CYP1A1: variants seen among roughly 807,000 people sequenced by gnomAD.
CYP1A1 encodes the protein cytochrome P450 family 1 subfamily A member 1.
Under a neutral mutation model 33.6 loss-of-function variants are expected in CYP1A1, and 43 were observed. That is an observed-to-expected ratio of 1.28 (90% CI 1.00 to 1.65). CYP1A1 has a LOEUF of 1.65. Ranked by LOEUF, CYP1A1 falls within the 40% of genes most tolerant of loss-of-function variation. The pLI, the probability that CYP1A1 is intolerant of heterozygous loss-of-function variation, is 0.00. For missense variants in CYP1A1, 637 were observed against 653.7 expected, an observed-to-expected ratio of 0.97 and a Z score of 0.28; for synonymous variants, 280 against 257.8, an observed-to-expected ratio of 1.09 and a Z score of -0.83.
Position 74,722,832 on chromosome 15 carries a change from A to C in CYP1A1, c.266T>G (p.Leu89Arg). 6.2e-7 allele frequency: 1 copy of C among 1,614,024 alleles called. No homozygotes were observed. Among genetic ancestry groups the C allele is most frequent in the Non-Finnish European group, 8.5e-7 (1 of 1,180,028 alleles). ...CACCAGGGCCTGCCGGATGGTGTCC[A>C]GGCCGCTCAGCACCACCACGGGTGT... Reference protein sequence around the residue: ...GSTPVVVLSGLDTIRQALVRQ... With the variant: ...GSTPVVVLSGRDTIRQALVRQ... Residue 89 changes from leucine to arginine, a missense_variant, in exon 2 of 7, where the codon CTG becomes CGG. Leu to Arg is a moderately radical substitution (Grantham distance 102). Coordinates refer to ENST00000379727, the MANE Select transcript of CYP1A1 (RefSeq NM_001319217.2).
intron 2 of CYP1A1, 129 bp from the exon 3 acceptor site, chr15:74,721,846 G>T: frequency 8.3e-7 from 1 of 1,204,130 alleles, no homozygotes; most frequent in Non-Finnish European, 1.2e-6. Flanking sequence ...TGTTGTCCCA[G>T]CTTCTCTCTG....
Position 74,722,933 on chromosome 15 carries a change from C to T in CYP1A1, c.165G>A (p.Leu55=), listed in dbSNP as rs2063185896. The change falls in exon 2 of 7, where the codon CTG becomes CTA. Residue 55 remains leucine, a synonymous_variant. Transcript: ENST00000379727. ...GWPLIGHMLT[L]GKNPHLALSR... ...ACAGTGCCAGGTGCGGGTTCTTTCC[C>T]AGGGTCAGCATGTGCCCAATCAGAG... is the stretch of plus-strand genomic sequence containing the variant. 1.2e-6 allele frequency: 2 copies of T among 1,614,078 alleles called. No homozygotes were observed. The highest frequency in any genetic ancestry group is 1.3e-5 in the African/African-American group (1 of 74,916).
At chr15:74,723,748 G>A (rs1288001198) in intron 1 of CYP1A1, among the ~76,000 whole-genome samples, 1 of 152,168 alleles carries the variant, frequency 6.6e-6, no homozygotes, top group Non-Finnish European at 1.5e-5. Flanking sequence ...ACATTTGGGG[G>A]AAGCAGCGCT....
chr15:74,722,605 T>C lies in CYP1A1; in HGVS notation c.493A>G (p.Lys165Glu). ...TSCYLEEHVS[K>E]EAEVLISTLQ... ...GTGCTTATCAGGACCTCAGCCTCCT[T>C]GCTCACATGCTCTTCCAGGTAGCAG... is the stretch of plus-strand genomic sequence containing the variant. Residue 165 changes from lysine (K) to glutamate (E), a missense_variant, in exon 2 of 7, where the codon AAG becomes GAG. Transcript: ENST00000379727. The C allele has an allele frequency of 1.2e-6, 2 of 1,614,102 alleles. No individual in the cohort carries two copies. The highest frequency in any genetic ancestry group is 3.3e-5 in the Admixed American group (2 of 60,030).
At position 74,721,379 on chromosome 15, in the gene CYP1A1, T is replaced by C. The variant is rs754503947; in HGVS notation, c.1042+35A>G. Reference sequence around the variant, plus strand: ...GGCTGCCTAGACCTGGCCAGACCCCTGGCACTGACCCCTTTGAAGGGAGCC... The same window carrying C: ...GGCTGCCTAGACCTGGCCAGACCCCCGGCACTGACCCCTTTGAAGGGAGCC... On this transcript the variant is annotated intron_variant, in intron 4 of 6. Transcript: ENST00000379727. The C allele has an allele frequency of 9.3e-6, 15 of 1,613,990 alleles. No homozygotes were observed. In the African/African-American group the frequency reaches 1.3e-4, roughly 14 times the overall value.
chr15:74,720,757 G>A lies in CYP1A1; in HGVS notation c.1271C>T (p.Pro424Leu), dbSNP rs769227467. Reference protein sequence around the residue: ...INHDQKLWVNPSEFLPERFLT... With the variant: ...INHDQKLWVNLSEFLPERFLT... ...AAACCGTTCAGGTAGGAACTCAGATGGGTTGACCCATAGCTTCCTGTAACC... is the reference window on the plus strand; with the variant it reads ...AAACCGTTCAGGTAGGAACTCAGATAGGTTGACCCATAGCTTCCTGTAACC... Residue 424 changes from proline to leucine, a missense_variant, in exon 7 of 7, where the codon CCA becomes CTA. Transcript: ENST00000379727. 8 of 1,612,046 alleles carry A rather than the reference G, an allele frequency of 5.0e-6. No homozygotes were observed. The highest frequency in any genetic ancestry group is 1.6e-4 in the Middle Eastern group (1 of 6,080).
chr15:74,723,899 AC>A (rs1277238686), intron 1 of CYP1A1, among the ~76,000 whole-genome samples: 4 of 152,076 alleles, frequency 2.6e-5, no homozygotes, highest in African/African-American at 9.7e-5. Context: ...TTTTCCCAGA[AC>A]CCTCAGTTCT....
rs765104543 is a variant in CYP1A1 at position 74,720,696 on chromosome 15, A to G, written c.1332T>C (p.Ser444=). The G allele has an allele frequency of 2.5e-6, 4 of 1,613,988 alleles. No individual in the cohort carries two copies. In the Admixed American group the frequency reaches 6.7e-5, roughly 27 times the overall value. ...TPDGAIDKVL[S]EKVIIFGMGK... ...CCATGCCAAAGATAATCACCTTCTCACTTAACACCTTGTCGATAGCACCAT... is the reference window on the plus strand; with the variant it reads ...CCATGCCAAAGATAATCACCTTCTCGCTTAACACCTTGTCGATAGCACCAT... The change falls in exon 7 of 7, where the codon AGT becomes AGC. Residue 444 remains serine (S), a synonymous_variant. Coordinates refer to ENST00000379727, the MANE Select transcript of CYP1A1 (RefSeq NM_001319217.2).
rs752537968 is a variant in CYP1A1 at position 74,720,643 on chromosome 15, A to G, written c.1385T>C (p.Ile462Thr). 12 of 1,614,066 alleles carry G rather than the reference A, an allele frequency of 7.4e-6. No individual in the cohort carries two copies. The highest frequency in any genetic ancestry group is 3.3e-5 in the Admixed American group (2 of 60,006). Residue 462 changes from isoleucine to threonine, a missense_variant, in exon 7 of 7, where the codon ATT (isoleucine) becomes ACT (threonine). Ile to Thr is a moderately conservative substitution (Grantham distance 89). Transcript: ENST00000379727. ...MGKRKCIGET[I>T]ARWEVFLFLA... ...GAAGAGAAAGACCTCCCAGCGGGCA[A>G]TGGTCTCACCGATACACTTCCGCTT...
rs1224548610 is a variant in CYP1A1, at chr15:74,719,808, G to A, written c.*681C>T. On this transcript the variant is annotated 3_prime_UTR_variant, in exon 7 of 7. Transcript: ENST00000379727. ...CACTCCAGCCCTAGTCCTGGTGCCT[G>A]GATATGTGCACTCCCTGTGCGCTCT... 5.9e-5 allele frequency: 9 copies of A among 152,280 alleles called. No individual in the cohort carries two copies. The highest frequency in any genetic ancestry group is 2.2e-4 in the African/African-American group (9 of 41,554). The allele number at this position is 152,280 out of a possible 1,614,324, so 9.4% of individuals were successfully genotyped here.
At position 74,720,796 on chromosome 15, in the gene CYP1A1, T is replaced by A. The variant is rs762782631; in HGVS notation, c.1254-22A>T. 1.1e-5 allele frequency: 17 copies of A among 1,596,526 alleles called. No individual in the cohort carries two copies. The South Asian group carries it at 1.1e-4, about 11-fold the overall frequency. ...CTTCCTGTAACCAGAGGGAGACAGC[T>A]GAAGTGGCAGTTCAGGGCTCAGAAG... On this transcript the variant is annotated intron_variant, in intron 6 of 6. Coordinates refer to ENST00000379727, the MANE Select transcript of CYP1A1 (RefSeq NM_001319217.2).
In CYP1A1 at chr15:74,720,493, G is replaced by A; in HGVS notation, c.1535C>T (p.Ser512Phe). 1 of 1,562,882 alleles carries A rather than the reference G, an allele frequency of 6.4e-7. No individual in the cohort carries two copies. The highest frequency in any genetic ancestry group is 1.2e-5 in the South Asian group (1 of 81,422). ...CCEHFQMQLR[S>F] ...GGCCTCAGGGCTCTCAAGCACCTAA[G>A]AGCGCAGCTGCATTTGGAAGTGCTC... is the stretch of plus-strand genomic sequence containing the variant. The change falls in exon 7 of 7, where the codon TCT (serine) becomes TTT (phenylalanine). Residue 512 changes from serine (S) to phenylalanine (F), a missense_variant. Ser to Phe is a radical substitution (Grantham distance 155). Coordinates refer to ENST00000379727, the MANE Select transcript of CYP1A1 (RefSeq NM_001319217.2).
chr15:74,721,718 C>T lies in CYP1A1; in HGVS notation c.826-1G>A, dbSNP rs996003312. ...TGTCTGTGATGTCCCGGATGTGGCC[C>T]TTAGGTAGGGAAAGTCCACAGGTGA... On this transcript the variant is annotated splice_acceptor_variant, in intron 2 of 6. Coordinates refer to ENST00000379727, the MANE Select transcript of CYP1A1 (RefSeq NM_001319217.2). LOFTEE classifies it high-confidence loss of function. 6.2e-7 allele frequency: 1 copy of T among 1,613,780 alleles called. No individual in the cohort carries two copies. Among genetic ancestry groups the T allele is most frequent in the Admixed American group, 1.7e-5 (1 of 59,998 alleles).
chr15:74,722,782 G>T lies in CYP1A1; in HGVS notation c.316C>A (p.Arg106=). The change falls in exon 2 of 7, where the codon CGG becomes AGG. Residue 106 remains arginine (R), a synonymous_variant. Transcript: ENST00000379727. ...LVRQGDDFKG[R]PDLYTFTLIS... Reference sequence around the variant, plus strand: ...AGGGTGAAGGTGTAGAGGTCGGGCCGGCCCTTGAAATCATCGCCCTGCCGC... The same window carrying T: ...AGGGTGAAGGTGTAGAGGTCGGGCCTGCCCTTGAAATCATCGCCCTGCCGC... 6.4e-7 allele frequency: 1 copy of T among 1,574,158 alleles called. No homozygotes were observed. Among genetic ancestry groups the T allele is most frequent in the South Asian group, 1.1e-5 (1 of 87,662 alleles).
chr15:74,722,812 G>T lies in CYP1A1; in HGVS notation c.286C>A (p.Leu96Met). 1 of 1,613,984 alleles carries T rather than the reference G, an allele frequency of 6.2e-7. No homozygotes were observed. The highest frequency in any genetic ancestry group is 8.5e-7 in the Non-Finnish European group (1 of 1,180,022). The change falls in exon 2 of 7, where the codon CTG (leucine) becomes ATG (methionine). Residue 96 changes from leucine (L) to methionine (M), a missense_variant. Transcript: ENST00000379727. ...TTGAAATCATCGCCCTGCCGCACCA[G>T]GGCCTGCCGGATGGTGTCCAGGCCG... ...LSGLDTIRQALVRQGDDFKGR... is the reference protein window; with the variant it reads ...LSGLDTIRQAMVRQGDDFKGR...
chr15:74,724,892 G>A (rs1432287837), intron 1 of CYP1A1, among the ~76,000 whole-genome samples: 1 of 152,166 alleles, frequency 6.6e-6, no homozygotes, highest in Non-Finnish European at 1.5e-5. Flanking sequence ...GGAAAGGCCT[G>A]GGACTCCTGC....
intron 1 of CYP1A1, among the ~76,000 whole-genome samples, chr15:74,724,964 G>A (rs967334131): frequency 2.6e-5 from 4 of 152,154 alleles, no homozygotes; most frequent in Non-Finnish European, 4.4e-5. Flanking sequence ...GCCACCCTTA[G>A]GAGGGTAAAA....
chr15:74,721,218 G>A lies in CYP1A1; in HGVS notation c.1147C>T (p.Pro383Ser), dbSNP rs947102105. Residue 383 changes from proline (P) to serine (S), a missense_variant, in exon 5 of 7, where the codon CCC becomes TCC. Physicochemically the swap from Pro to Ser is moderately conservative, Grantham distance 74. Coordinates refer to ENST00000379727, the MANE Select transcript of CYP1A1 (RefSeq NM_001319217.2). ...LETFRHSSFV[P>S]FTIPHSTTRD... is the part of the protein sequence containing the mutation. ...CCTTACCTGTGGGGGATGGTGAAGG[G>A]GACGAAGGAAGAGTGTCGGAAGGTC... 6.2e-7 allele frequency: 1 copy of A among 1,613,272 alleles called. No homozygotes were observed. The highest frequency in any genetic ancestry group is 8.5e-7 in the Non-Finnish European group (1 of 1,179,568).
chr15:74,721,107 C>G (rs974167892), intron 5 of CYP1A1, 54 bp from the exon 6 acceptor site: 5 of 1,611,028 alleles, frequency 3.1e-6, no homozygotes, highest in Non-Finnish European at 3.4e-6. Context: ...ATCTCCCTGT[C>G]TCCCATGCCG....
Sources: allele counts gnomAD v4.1 joint callset (sites outside exome capture counted in the v4.1 genomes callset), GRCh38; gene constraint gnomAD v4.1.1; transcripts MANE v1.5; gene names NCBI Gene and HGNC (gene_info 2026-07-23, HGNC 2026-07-21).